GMDS: variants seen among roughly 807,000 people sequenced by gnomAD.
The protein encoded by GMDS is GDP-mannose 4,6 dehydratase.
A neutral mutation model predicts 49.9 loss-of-function variants in GMDS; 20 were observed. That is an observed-to-expected ratio of 0.40 (90% CI 0.28 to 0.58). GMDS has a LOEUF of 0.58. Ranked by LOEUF, GMDS falls within the 20% of genes least tolerant of loss-of-function variation. The pLI, the probability that GMDS is intolerant of heterozygous loss-of-function variation, is 0.42. For missense variants in GMDS, 362 were observed against 481.4 expected (o/e 0.75, Z 2.32); for synonymous variants, 177 against 178.6 (o/e 0.99, Z 0.07).
chr6:2,178,058 T>C (rs1041063650), intron 1 of GMDS, among the ~76,000 whole-genome samples: 4 of 152,100 alleles, frequency 2.6e-5, no homozygotes, highest in Non-Finnish European at 5.9e-5. Context: ...TCCCACATAT[T>C]TTCACATATA....
Position 1,766,436 on chromosome 6 carries a change from A to T in GMDS, c.772-23850T>A, listed in dbSNP as rs1052541543. 2.0e-5 allele frequency among the ~76,000 whole-genome samples: 3 copies of T among 152,174 alleles called. No homozygotes were observed. Among genetic ancestry groups the T allele is most frequent in the Non-Finnish European group, 2.9e-5 (2 of 68,036 alleles). On this transcript the variant is annotated intron_variant, in intron 7 of 10. Transcript: ENST00000380815. The surrounding 1 kb of genome is among the most constrained non-coding windows in gnomAD (Gnocchi z 4.5). Reference sequence around the variant, plus strand: ...TTTGTAGGCCACCACGGAGAGAGAAAAGCATCTTGAGAATCCTAATGGGAA... The same window carrying T: ...TTTGTAGGCCACCACGGAGAGAGAATAGCATCTTGAGAATCCTAATGGGAA...
At chr6:1,992,268 A>G (rs1292443509) in intron 4 of GMDS, among the ~76,000 whole-genome samples, 1 of 152,076 alleles carries the variant, frequency 6.6e-6, no homozygotes, top group African/African-American at 2.4e-5. Flanking sequence ...GAGCCTCTCC[A>G]TCTCACCCTG....
intron 7 of GMDS, among the ~76,000 whole-genome samples, chr6:1,913,145 G>A (rs903070849): frequency 4.6e-5 from 7 of 152,160 alleles, no homozygotes; most frequent in Admixed American, 1.3e-4. Flanking sequence ...ACTTTGGGAG[G>A]CCGAGGCGGG....
At chr6:1,835,132 G>A (rs987289244) in intron 7 of GMDS, among the ~76,000 whole-genome samples, 8 of 152,176 alleles carry the variant, frequency 5.3e-5, no homozygotes, top group Admixed American at 4.6e-4. Flanking sequence ...TAACACGGAC[G>A]GGAGGGGCAC....
intron 9 of GMDS, among the ~76,000 whole-genome samples, chr6:1,703,273 T>C (rs1765608877): frequency 6.6e-6 from 1 of 152,192 alleles, no homozygotes. Context: ...TCCACCCCTC[T>C]GGCTCTTGCT....
intron 4 of GMDS, among the ~76,000 whole-genome samples, chr6:2,106,155 G>A (rs1001357865): frequency 3.3e-5 from 5 of 152,128 alleles, no homozygotes; most frequent in African/African-American, 9.6e-5. Context: ...ACTCATCTTC[G>A]ATCTTAGACA....
At chr6:1,944,273 G>A (rs149209269) in intron 6 of GMDS, among the ~76,000 whole-genome samples, 2 of 152,178 alleles carry the variant, frequency 1.3e-5, no homozygotes, top group African/African-American at 2.4e-5. Flanking sequence ...TTGGGAGGCC[G>A]AGGCGGACGG....
chr6:1,707,891 C>T (rs1258007512), intron 9 of GMDS, among the ~76,000 whole-genome samples: 1 of 152,168 alleles, frequency 6.6e-6, no homozygotes, highest in African/African-American at 2.4e-5. Context: ...AGGGCTGGGG[C>T]CCTCGTATCA....
At chr6:1,893,398 GCCA>G in intron 7 of GMDS, among the ~76,000 whole-genome samples, 1 of 151,876 alleles carries the variant, frequency 6.6e-6, no homozygotes, top group Non-Finnish European at 1.5e-5. Context: ...CACCATGTTG[GCCA>G]GGCTGGTCTC....
Position 1,727,023 on chromosome 6 carries a change from A to T in GMDS, c.891-511T>A, listed in dbSNP as rs1334401541. Reference sequence around the variant, plus strand: ...AATTAACCATTCAATGCATCCCTGGATCACATACAAGTTCTCCTGCTCTCC... The same window carrying T: ...AATTAACCATTCAATGCATCCCTGGTTCACATACAAGTTCTCCTGCTCTCC... On this transcript the variant is annotated intron_variant, in intron 8 of 10. Transcript: ENST00000380815. 2.0e-5 allele frequency among the ~76,000 whole-genome samples: 3 copies of T among 152,142 alleles called. No individual in the cohort carries two copies. The East Asian group carries it at 5.8e-4, about 29-fold the overall frequency.
intron 9 of GMDS, among the ~76,000 whole-genome samples, chr6:1,720,946 A>G (rs1203220051): frequency 2.0e-5 from 3 of 151,972 alleles, no homozygotes; most frequent in African/African-American, 7.3e-5. Flanking sequence ...GAAAAGGGGG[A>G]CAGTTTCAGG....
chr6:2,150,820 TTA>T (rs148920741), intron 1 of GMDS, among the ~76,000 whole-genome samples: 15,739 of 152,212 alleles, frequency 0.1, 1,084 homozygotes, highest in Non-Finnish European at 0.16. Flanking sequence ...CTATCTTTAA[TTA>T]TATGATACCT....
intron 9 of GMDS, among the ~76,000 whole-genome samples, chr6:1,658,286 C>T (rs4538753): frequency 0.093 from 14,148 of 152,326 alleles, 977 homozygotes; most frequent in Admixed American, 0.21. Flanking sequence ...CTACTGAGGA[C>T]CCTTCAACTT....
intron 1 of GMDS, among the ~76,000 whole-genome samples, chr6:2,244,890 G>C (rs1781788268): frequency 6.6e-6 from 1 of 152,178 alleles, no homozygotes; most frequent in South Asian, 2.1e-4. Context: ...CCAAACGTTA[G>C]CAGGTAAGCG....
At chr6:1,871,093 CCACTGTCTAATTA>C (rs1234169107) in intron 7 of GMDS, among the ~76,000 whole-genome samples, 2 of 150,616 alleles carry the variant, frequency 1.3e-5, no homozygotes, top group African/African-American at 4.9e-5. Flanking sequence ...CACACTTAAA[CCACTGTCTAATTA>C]CTCTGAACAT....
intron 7 of GMDS, among the ~76,000 whole-genome samples, chr6:1,843,148 T>TAAAATA (rs1394761225): frequency 6.6e-5 from 10 of 151,630 alleles, no homozygotes; most frequent in Non-Finnish European, 1.5e-4. Context: ...TAAAATAAAA[T>TAAAATA]AAAGAGAATT....
At chr6:2,235,919 C>T (rs1171178803) in intron 1 of GMDS, among the ~76,000 whole-genome samples, 1 of 151,704 alleles carries the variant, frequency 6.6e-6, no homozygotes, top group East Asian at 1.9e-4. Context: ...GGAGCCAGTT[C>T]TCTATGGGTC....
intron 9 of GMDS, among the ~76,000 whole-genome samples, chr6:1,642,029 A>G (rs1285617381): frequency 6.6e-6 from 1 of 152,150 alleles, no homozygotes; most frequent in Non-Finnish European, 1.5e-5. Context: ...CCCCTGGCTC[A>G]GAAAGATCGC....
At chr6:2,099,534 T>A (rs571638125) in intron 4 of GMDS, among the ~76,000 whole-genome samples, 100 of 152,238 alleles carry the variant, frequency 6.6e-4, no homozygotes, top group African/African-American at 2.3e-3. Context: ...TCATGTATAT[T>A]TATTTACCTG....
Sources: allele counts gnomAD v4.1 joint callset (sites outside exome capture counted in the v4.1 genomes callset), GRCh38; gene constraint gnomAD v4.1.1; non-coding constraint Gnocchi (gnomAD v3.1); transcripts MANE v1.5; gene names NCBI Gene and HGNC (gene_info 2026-07-23, HGNC 2026-07-21).